Variants in RUNDC3B observed in about 807,000 individuals in gnomAD.
RUNDC3B encodes the protein RUN domain containing 3B, also known as RUN domain-containing protein 3B.
Under a neutral mutation model 58.4 loss-of-function variants are expected in RUNDC3B, and 33 were observed. The ratio of observed to expected loss-of-function variants is 0.56; its 90% confidence interval spans 0.43 to 0.75. The LOEUF is 0.75. Among genes scored for constraint, RUNDC3B ranks in the 30% least tolerant of loss-of-function variants. The pLI, the probability that RUNDC3B is intolerant of heterozygous loss-of-function variation, is 0.00. For synonymous variants in RUNDC3B, 193 were observed against 195.2 expected (o/e 0.99, Z 0.10); for missense variants, 501 against 535.7 (o/e 0.94, Z 0.64).
rs567582306 is a variant in RUNDC3B at position 87,805,185 on chromosome 7, A to G, written c.957-2188A>G. 2.0e-5 allele frequency among the ~76,000 whole-genome samples: 3 copies of G among 152,336 alleles called. No individual in the cohort carries two copies. In the East Asian group the frequency reaches 5.8e-4, roughly 29 times the overall value. On this transcript the variant is annotated intron_variant, in intron 8 of 10. Coordinates refer to ENST00000394654, the MANE Select transcript of RUNDC3B (RefSeq NM_001134405.2). ...TCAGGGACCCACCACTAAAGTGAATAAACTGCTCTGTTTATTTATTACTCT... is the reference window on the plus strand; with the variant it reads ...TCAGGGACCCACCACTAAAGTGAATGAACTGCTCTGTTTATTTATTACTCT...
intron 5 of RUNDC3B, among the ~76,000 whole-genome samples, chr7:87,740,884 TTTTG>T (rs1225512027): frequency 6.6e-6 from 1 of 152,124 alleles, no homozygotes; most frequent in Non-Finnish European, 1.5e-5. Flanking sequence ...TACAGTCTTG[TTTTG>T]TTTGTTTGTT....
At chr7:87,784,387 T>C (rs1835095289) in intron 8 of RUNDC3B, among the ~76,000 whole-genome samples, 1 of 152,120 alleles carries the variant, frequency 6.6e-6, no homozygotes, top group African/African-American at 2.4e-5. Flanking sequence ...TGGATGGGGC[T>C]TGTTTTCATT....
intron 6 of RUNDC3B, among the ~76,000 whole-genome samples, chr7:87,762,999 A>G (rs1833781317): frequency 6.6e-6 from 1 of 151,286 alleles, no homozygotes; most frequent in Non-Finnish European, 1.5e-5. Context: ...ATGACTTTGC[A>G]TTTCTTTTTA....
At chr7:87,826,060 G>A (rs902378287) in intron 10 of RUNDC3B, among the ~76,000 whole-genome samples, 1 of 152,152 alleles carries the variant, frequency 6.6e-6, no homozygotes, top group Non-Finnish European at 1.5e-5. Flanking sequence ...TTGAGGGACT[G>A]TTGGGAAGGC....
At chr7:87,712,709 G>A (rs1178394708) in intron 4 of RUNDC3B, among the ~76,000 whole-genome samples, 3 of 151,914 alleles carry the variant, frequency 2.0e-5, no homozygotes, top group Admixed American at 2.0e-4. Context: ...TTCATAGAAA[G>A]GAAATGATTC....
intron 4 of RUNDC3B, among the ~76,000 whole-genome samples, chr7:87,731,023 C>G (rs1213416991): frequency 6.6e-6 from 1 of 152,130 alleles, no homozygotes; most frequent in East Asian, 1.9e-4. Flanking sequence ...TGGGGTGCTT[C>G]CTGATGCCTA....
intron 2 of RUNDC3B, among the ~76,000 whole-genome samples, chr7:87,657,373 T>G (rs977477919): frequency 6.6e-6 from 1 of 152,096 alleles, no homozygotes; most frequent in Non-Finnish European, 1.5e-5. Flanking sequence ...AACAGAAAAC[T>G]TTTCAGCCGT....
At chr7:87,750,140 G>C (rs1334950564) in intron 6 of RUNDC3B, among the ~76,000 whole-genome samples, 1 of 150,830 alleles carries the variant, frequency 6.6e-6, no homozygotes, top group Non-Finnish European at 1.5e-5. Context: ...TTGGTTTTTT[G>C]TTCTTGCGAT....
chr7:87,747,178 G>A (rs1166204268), intron 6 of RUNDC3B, among the ~76,000 whole-genome samples: 1 of 152,142 alleles, frequency 6.6e-6, no homozygotes, highest in Non-Finnish European at 1.5e-5. Context: ...CCTTGATGTA[G>A]TACTCTCCCC....
At chr7:87,701,918 C>T (rs1361685485) in intron 3 of RUNDC3B, among the ~76,000 whole-genome samples, 10 of 151,702 alleles carry the variant, frequency 6.6e-5, no homozygotes, top group East Asian at 1.9e-4. Context: ...CCGAGGCAGG[C>T]GGATCACGAG....
At chr7:87,723,957 C>T (rs1831057207) in intron 4 of RUNDC3B, among the ~76,000 whole-genome samples, 1 of 152,152 alleles carries the variant, frequency 6.6e-6, no homozygotes, top group Non-Finnish European at 1.5e-5. Context: ...CATGGTGGCT[C>T]ACGCCTGTAA....
intron 2 of RUNDC3B, among the ~76,000 whole-genome samples, 160 bp from the exon 3 acceptor site, chr7:87,700,261 A>G (rs902748734): frequency 6.6e-5 from 10 of 152,234 alleles, no homozygotes; most frequent in African/African-American, 2.2e-4. Context: ...AAGATAGAAT[A>G]GGACTAGATT....
chr7:87,746,221 A>C (rs1041814553), intron 6 of RUNDC3B, among the ~76,000 whole-genome samples: 3 of 152,186 alleles, frequency 2.0e-5, no homozygotes, highest in Non-Finnish European at 2.9e-5. Flanking sequence ...ATGGCCTATC[A>C]TATGGTCTAT....
At chr7:87,731,646 A>G (rs1831584203) in intron 4 of RUNDC3B, among the ~76,000 whole-genome samples, 1 of 152,256 alleles carries the variant, frequency 6.6e-6, no homozygotes, top group Admixed American at 6.5e-5. Context: ...AACAGATTTT[A>G]AGACAAAGAC....
chr7:87,799,784 G>T (rs1836026784), intron 8 of RUNDC3B, among the ~76,000 whole-genome samples: 1 of 151,758 alleles, frequency 6.6e-6, no homozygotes, highest in South Asian at 2.1e-4. Flanking sequence ...CTACTCAGGA[G>T]GCTGAGGCAA....
chr7:87,827,026 T>C (rs1401767082), intron 10 of RUNDC3B, among the ~76,000 whole-genome samples: 2 of 152,062 alleles, frequency 1.3e-5, no homozygotes, highest in Admixed American at 6.5e-5. Flanking sequence ...GCAAAATAAT[T>C]TGTCACAGCA....
At chr7:87,674,639 G>T (rs1826144139) in intron 2 of RUNDC3B, among the ~76,000 whole-genome samples, 1 of 152,088 alleles carries the variant, frequency 6.6e-6, no homozygotes, top group African/African-American at 2.4e-5. Flanking sequence ...GGGCTAGCAT[G>T]TATTGGCAGG....
intron 2 of RUNDC3B, among the ~76,000 whole-genome samples, chr7:87,696,885 T>G (rs1828538912): frequency 6.6e-6 from 1 of 152,190 alleles, no homozygotes; most frequent in Non-Finnish European, 1.5e-5. Context: ...GCCCTACCTA[T>G]AGCAGGAGTT....
At chr7:87,644,138 C>T (rs761149178) in intron 1 of RUNDC3B, among the ~76,000 whole-genome samples, 2 of 152,246 alleles carry the variant, frequency 1.3e-5, no homozygotes, top group Admixed American at 6.5e-5. Context: ...GGATTACAGG[C>T]GTGAGCCACC....
Sources: allele counts gnomAD v4.1 joint callset (sites outside exome capture counted in the v4.1 genomes callset), GRCh38; gene constraint gnomAD v4.1.1; transcripts MANE v1.5; gene names NCBI Gene and HGNC (gene_info 2026-07-23, HGNC 2026-07-21).